The following ADGRB3 variants were observed in gnomAD, a reference collection of about 807,000 sequenced individuals.
The protein encoded by ADGRB3 is brain-specific angiogenesis inhibitor 3.
In ADGRB3, 37 loss-of-function variants were observed where a neutral mutation model predicts 193.4. The ratio of observed to expected loss-of-function variants is 0.19; its 90% CI spans 0.15 to 0.25. ADGRB3 has a LOEUF of 0.25. ADGRB3 is among the 10% of genes least tolerant of loss of function. The pLI is 1.00. For missense variants in ADGRB3, 1,637 were observed against 1,852.9 expected, an observed-to-expected ratio of 0.88 and a Z score of 2.14; for synonymous variants, 690 against 644.2, an observed-to-expected ratio of 1.07 and a Z score of -1.08.
At chr6:69,144,381 C>A (rs1308088317) in intron 17 of ADGRB3, among the ~76,000 whole-genome samples, 1 of 151,998 alleles carries the variant, frequency 6.6e-6, no homozygotes, top group Non-Finnish European at 1.5e-5. Context: ...TTTTCCTTTC[C>A]AATTTAGATG....
chr6:68,772,891 AAAAATAT>A (rs1425358263), intron 3 of ADGRB3, among the ~76,000 whole-genome samples: 106 of 35,778 alleles, frequency 3.0e-3, no homozygotes, highest in Admixed American at 0.013. Flanking sequence ...ACAAAAAAAA[AAAAATAT>A]ATATATATAT....
At chr6:69,325,364 G>T (rs1178457708) in intron 21 of ADGRB3, among the ~76,000 whole-genome samples, 1 of 151,782 alleles carries the variant, frequency 6.6e-6, no homozygotes, top group Non-Finnish European at 1.5e-5. Context: ...ATGTGTGATG[G>T]TTCACTAGGC....
chr6:68,900,279 A>G (rs1295093656), intron 3 of ADGRB3, among the ~76,000 whole-genome samples: 1 of 152,136 alleles, frequency 6.6e-6, no homozygotes, highest in Non-Finnish European at 1.5e-5. Context: ...CTGTTACCTT[A>G]TTTCTGAGAA....
At position 68,856,678 on chromosome 6, in the gene ADGRB3, G is replaced by A. The variant is rs148974641; in HGVS notation, c.758-73881G>A. On this transcript the variant is annotated intron_variant, in intron 3 of 31. Transcript: ENST00000370598. ...CATTCAGTTTTAAAAGGGAAACAGC[G>A]TATTTGCAGCCTATGTGATAGAAAA... is the stretch of plus-strand genomic sequence containing the variant. 7.5e-4 allele frequency among the ~76,000 whole-genome samples: 114 copies of A among 151,600 alleles called. 1 individual carries two copies. Among genetic ancestry groups the A allele is most frequent in the African/African-American group, 2.7e-4 (11 of 41,494 alleles).
At chr6:69,135,716 T>C (rs1026750164) in intron 17 of ADGRB3, among the ~76,000 whole-genome samples, 3 of 152,120 alleles carry the variant, frequency 2.0e-5, no homozygotes, top group Admixed American at 6.5e-5. Flanking sequence ...CAGCAACTTA[T>C]GTTTTTTGAC....
chr6:68,851,885 T>A (rs1768410034), intron 3 of ADGRB3, among the ~76,000 whole-genome samples: 1 of 151,862 alleles, frequency 6.6e-6, no homozygotes, highest in East Asian at 1.9e-4. Context: ...GATATAGATT[T>A]CACGGAGACG....
At chr6:69,325,069 G>A in intron 21 of ADGRB3, 47 bp downstream of exon 21, 6 of 1,577,712 alleles carry the variant, frequency 3.8e-6, no homozygotes, top group Non-Finnish European at 5.2e-6. Context: ...AAATGACGTT[G>A]AACACACATT....
At position 69,294,241 on chromosome 6, in the gene ADGRB3, G is replaced by A. The variant is rs191380234; in HGVS notation, c.2815-30631G>A. On this transcript the variant is annotated intron_variant, in intron 20 of 31. Transcript: ENST00000370598. ...TGTACATTGTACGTTGGATTTATCT[G>A]AACTAAAGAGAATAAGCTCTATTAC... Among the ~76,000 whole-genome samples the A allele has an allele frequency of 1.6e-3, 238 of 151,940 alleles. 2 individuals carry two copies. The highest frequency in any genetic ancestry group is 5.5e-3 in the African/African-American group (226 of 41,422).
At chr6:69,018,096 T>C (rs528717460) in intron 12 of ADGRB3, among the ~76,000 whole-genome samples, 1 of 152,040 alleles carries the variant, frequency 6.6e-6, no homozygotes, top group East Asian at 1.9e-4. Flanking sequence ...TGAAAAGAGT[T>C]CATCAAAAGA....
intron 3 of ADGRB3, among the ~76,000 whole-genome samples, chr6:68,885,942 G>C (rs929454365): frequency 6.6e-6 from 1 of 152,044 alleles, no homozygotes; most frequent in South Asian, 2.1e-4. Flanking sequence ...AAGAAGGAAG[G>C]AATATTTTTG....
intron 3 of ADGRB3, among the ~76,000 whole-genome samples, chr6:68,870,396 T>G (rs1047955398): frequency 2.0e-5 from 3 of 152,204 alleles, no homozygotes; most frequent in African/African-American, 7.2e-5. Flanking sequence ...CAGCATGTCT[T>G]GAAAAATCAA....
In ADGRB3 at chr6:69,168,283, CG is replaced by C. The variant is rs1229695140; in HGVS notation, c.2481-65005del. 2.0e-5 allele frequency among the ~76,000 whole-genome samples: 3 copies of C among 151,990 alleles called. No homozygotes were observed. In the East Asian group the frequency reaches 5.8e-4, roughly 29 times the overall value. ...GGGTTCAATTTCATCAGCCGAAAAACGGTTTGGAGATAATGTGACTGTAGCT... is the reference window on the plus strand; with the variant it reads ...GGGTTCAATTTCATCAGCCGAAAAACGTTTGGAGATAATGTGACTGTAGCT... On this transcript the variant is annotated intron_variant, in intron 17 of 31. Transcript: ENST00000370598.
chr6:69,093,688 G>A (rs1290063515), intron 17 of ADGRB3, among the ~76,000 whole-genome samples: 2 of 151,394 alleles, frequency 1.3e-5, no homozygotes, highest in Non-Finnish European at 2.9e-5. Context: ...GATATAGGGT[G>A]GGAAACCTAC....
chr6:69,338,609 G>A lies in ADGRB3; in HGVS notation c.3189-307G>A, dbSNP rs554536194. ...TCTGAATAAAGGGTTTTCACTGTAT[G>A]TCTACAGAAGCACATGCTTATGTTT... On this transcript the variant is annotated intron_variant, in intron 24 of 31. Transcript: ENST00000370598. Among the ~76,000 whole-genome samples, 3 of 152,248 alleles carry A rather than the reference G, an allele frequency of 2.0e-5. No individual in the cohort carries two copies. The East Asian group carries it at 5.8e-4, about 29-fold the overall frequency.
At chr6:68,835,014 A>G (rs1008270735) in intron 3 of ADGRB3, among the ~76,000 whole-genome samples, 2 of 152,284 alleles carry the variant, frequency 1.3e-5, no homozygotes, top group Non-Finnish European at 1.5e-5. Flanking sequence ...GTATTTATTT[A>G]TATAATATCA....
chr6:68,810,396 C>A (rs746859083), intron 3 of ADGRB3, among the ~76,000 whole-genome samples: 2 of 152,186 alleles, frequency 1.3e-5, no homozygotes, highest in African/African-American at 4.8e-5. Flanking sequence ...AACTACCTAT[C>A]CTGGACAAGG....
At chr6:69,242,173 G>C (rs940459674) in intron 20 of ADGRB3, among the ~76,000 whole-genome samples, 1 of 151,852 alleles carries the variant, frequency 6.6e-6, no homozygotes, top group Non-Finnish European at 1.5e-5. Context: ...CAAAAAAATA[G>C]AAAAGTACAA....
At chr6:69,033,202 A>G (rs1770764586) in intron 13 of ADGRB3, among the ~76,000 whole-genome samples, 2 of 152,152 alleles carry the variant, frequency 1.3e-5, no homozygotes, top group Admixed American at 1.3e-4. Context: ...CTGTGGTGTA[A>G]TGGCAGTTAG....
intron 3 of ADGRB3, among the ~76,000 whole-genome samples, chr6:68,814,254 T>C (rs1193717848): frequency 6.6e-6 from 1 of 152,192 alleles, no homozygotes; most frequent in East Asian, 1.9e-4. Flanking sequence ...CCATTCTAAC[T>C]GGTGTGAGAT....
Sources: allele counts gnomAD v4.1 joint callset (sites outside exome capture counted in the v4.1 genomes callset), GRCh38; gene constraint gnomAD v4.1.1; transcripts MANE v1.5; gene names NCBI Gene and HGNC (gene_info 2026-07-23, HGNC 2026-07-21).